SAMD3: variants seen among roughly 807,000 people sequenced by gnomAD.
The protein encoded by SAMD3 is sterile alpha motif domain-containing protein 3.
In SAMD3, 63 loss-of-function variants were observed where a neutral mutation model predicts 58.5. That is an observed-to-expected ratio of 1.08 (90% CI 0.88 to 1.33). SAMD3 has a LOEUF of 1.33. SAMD3 is among the 40% of genes most tolerant of loss of function. The pLI, the probability that SAMD3 is intolerant of heterozygous loss-of-function variation, is 0.00. For synonymous variants in SAMD3, 220 were observed against 210.3 expected, an observed-to-expected ratio of 1.05 and a Z score of -0.40; for missense variants, 604 against 608.4, an observed-to-expected ratio of 0.99 and a Z score of 0.08.
At chr6:130,289,774 A>T (rs942830163) in intron 2 of SAMD3, among the ~76,000 whole-genome samples, 1 of 152,234 alleles carries the variant, frequency 6.6e-6, no homozygotes, top group East Asian at 1.9e-4. Context: ...TGCTGGGATT[A>T]TAGGTGTGAA....
At chr6:130,145,753 C>CTT (rs1292499042) in intron 10 of SAMD3, among the ~76,000 whole-genome samples, 6 of 152,062 alleles carry the variant, frequency 3.9e-5, no homozygotes, top group Admixed American at 1.3e-4. Flanking sequence ...ATCCAGTATA[C>CTT]TTTTAAAATC....
At chr6:130,214,654 C>G in intron 3 of SAMD3, 128 bp from the exon 4 acceptor site, 1 of 600,296 alleles carries the variant, frequency 1.7e-6, no homozygotes, top group Non-Finnish European at 2.6e-6. Flanking sequence ...ATAAATTTAT[C>G]CATATTTTTG....
intron 2 of SAMD3, among the ~76,000 whole-genome samples, chr6:130,288,974 C>T (rs547713254): frequency 2.6e-5 from 4 of 152,330 alleles, no homozygotes; most frequent in East Asian, 3.9e-4. Flanking sequence ...AACTTCTATG[C>T]GCCCTTCTAT....
upstream of SAMD3, among the ~76,000 whole-genome samples, chr6:130,225,445 C>T (rs1352797092): frequency 6.6e-6 from 1 of 152,138 alleles, no homozygotes; most frequent in Non-Finnish European, 1.5e-5. Context: ...TGGTGAGTTT[C>T]AAGCTTTAAA....
Position 130,337,598 on chromosome 6 carries a change from G to T in SAMD3, c.-303-24505C>A, listed in dbSNP as rs144239313. Among the ~76,000 whole-genome samples the T allele has an allele frequency of 5.1e-3, 782 of 152,306 alleles. 11 individuals are homozygous for T. The highest frequency in any genetic ancestry group is 0.016 in the African/African-American group (652 of 41,562). ...AGGGCCTAGAAGAAGAAAGGAATAT[G>T]TGGGGAAGTTTGGAACTTCTTAGAG... On this transcript the variant is annotated intron_variant, in intron 1 of 13. Transcript: ENST00000368134.
intron 1 of SAMD3, among the ~76,000 whole-genome samples, chr6:130,346,405 C>T (rs935164713): frequency 2.4e-4 from 37 of 152,064 alleles, no homozygotes; most frequent in Admixed American, 8.5e-4. Flanking sequence ...TCTTAGCAAA[C>T]GGCACACCAG....
intron 4 of SAMD3, among the ~76,000 whole-genome samples, chr6:130,212,849 G>A (rs138934793): frequency 2.0e-3 from 305 of 152,278 alleles, no homozygotes; most frequent in African/African-American, 7.0e-3. Context: ...AAATTACTTT[G>A]ATCTCTCTTT....
intron 2 of SAMD3, among the ~76,000 whole-genome samples, chr6:130,312,421 A>G (rs1393215256): frequency 6.6e-6 from 1 of 152,188 alleles, no homozygotes; most frequent in Non-Finnish European, 1.5e-5. Context: ...TTTCCTCCTC[A>G]GGCCCTTCCT....
chr6:130,276,548 G>A (rs1301441887), intron 2 of SAMD3, among the ~76,000 whole-genome samples: 1 of 152,082 alleles, frequency 6.6e-6, no homozygotes, highest in Non-Finnish European at 1.5e-5. Flanking sequence ...AAAGAAGTGT[G>A]TTATTTAAAC....
intron 1 of SAMD3, among the ~76,000 whole-genome samples, chr6:130,350,437 CAGAG>C (rs1173439507): frequency 5.3e-5 from 8 of 152,048 alleles, no homozygotes; most frequent in Non-Finnish European, 7.4e-5. Flanking sequence ...AACAGACAAA[CAGAG>C]AGCCAAATCA....
intron 8 of SAMD3, among the ~76,000 whole-genome samples, chr6:130,175,329 C>T (rs1425694599): frequency 1.3e-5 from 2 of 152,298 alleles, no homozygotes; most frequent in East Asian, 3.9e-4. Flanking sequence ...CACGGGCCCT[C>T]AGCCTGGAGC....
intron 2 of SAMD3, among the ~76,000 whole-genome samples, chr6:130,280,800 AATC>A (rs1484657761): frequency 6.6e-6 from 1 of 152,210 alleles, no homozygotes; most frequent in African/African-American, 2.4e-5. Context: ...AAAATTTAGT[AATC>A]ATCTATATCA....
At chr6:130,362,280 T>C (rs1331628472) in intron 1 of SAMD3, among the ~76,000 whole-genome samples, 2 of 152,178 alleles carry the variant, frequency 1.3e-5, no homozygotes, top group Non-Finnish European at 2.9e-5. Context: ...GGGCCTGAGA[T>C]CTTGCTATTC....
At chr6:130,180,527 A>G (rs1792209873) in intron 7 of SAMD3, among the ~76,000 whole-genome samples, 1 of 152,184 alleles carries the variant, frequency 6.6e-6, no homozygotes, top group African/African-American at 2.4e-5. Context: ...CAAATATGAC[A>G]GAAGAAAAAT....
intron 1 of SAMD3, among the ~76,000 whole-genome samples, chr6:130,339,383 T>C (rs1777202900): frequency 6.6e-6 from 1 of 152,132 alleles, no homozygotes; most frequent in Non-Finnish European, 1.5e-5. Context: ...CCATACATCC[T>C]ACATGTCAAG....
intron 7 of SAMD3, 197 bp from the exon 8 acceptor site, chr6:130,176,205 A>G (rs1259518487): frequency 1.5e-6 from 1 of 651,550 alleles, no homozygotes; most frequent in Non-Finnish European, 2.8e-6. Context: ...GAAATTATAA[A>G]CCCTAAGTTA....
intron 1 of SAMD3, among the ~76,000 whole-genome samples, chr6:130,220,953 A>G (rs1202922284): frequency 6.6e-6 from 1 of 151,910 alleles, no homozygotes; most frequent in Non-Finnish European, 1.5e-5. Flanking sequence ...TCCCGGGTTC[A>G]TGCCATTCTC....
intron 2 of SAMD3, among the ~76,000 whole-genome samples, chr6:130,258,317 C>G (rs1453851348): frequency 2.0e-5 from 3 of 152,084 alleles, no homozygotes; most frequent in African/African-American, 7.2e-5. Flanking sequence ...GTAGCTCTTG[C>G]TTTTTTATCC....
At chr6:130,243,093 G>A (rs554197365) in intron 2 of SAMD3, among the ~76,000 whole-genome samples, 5 of 152,134 alleles carry the variant, frequency 3.3e-5, no homozygotes, top group Non-Finnish European at 7.4e-5. Flanking sequence ...ACAATCCCAA[G>A]AGCCTCATCT....
Sources: gnomAD v4.1 joint callset for allele counts (sites outside exome capture counted in the v4.1 genomes callset) on GRCh38, gnomAD v4.1.1 for gene constraint, MANE v1.5 for transcripts, NCBI Gene and HGNC (gene_info 2026-07-23, HGNC 2026-07-21) for gene names.